Variants in MAPK10 observed in about 807,000 individuals in gnomAD.
The protein encoded by MAPK10 is mitogen-activated protein kinase 10.
MAPK10 carries 25 observed loss-of-function variants against 59.3 expected under a neutral mutation model. That is an observed-to-expected ratio of 0.42 (90% CI 0.31 to 0.59). The LOEUF (loss-of-function observed/expected upper bound fraction) is 0.59. Among genes scored for constraint, MAPK10 ranks in the 20% least tolerant of loss-of-function variants. The pLI, the probability that MAPK10 is intolerant of heterozygous loss-of-function variation, is 0.15. For synonymous variants in MAPK10, 190 were observed against 200.5 expected (o/e 0.95, Z 0.44); for missense variants, 351 against 568.9 (o/e 0.62, Z 3.90).
intron 1 of MAPK10, among the ~76,000 whole-genome samples, chr4:86,581,938 T>C (rs1388822448): frequency 5.3e-4 from 50 of 93,850 alleles, no homozygotes; most frequent in Admixed American, 1.6e-3. Flanking sequence ...TATATATATA[T>C]ATATATATAT....
Position 86,037,193 on chromosome 4 carries a change from C to T in MAPK10, c.1111-5762G>A, listed in dbSNP as rs200787570. Among the ~76,000 whole-genome samples the T allele has an allele frequency of 8.5e-5, 13 of 152,220 alleles. No individual in the cohort carries two copies. In the East Asian group the frequency reaches 2.5e-3, roughly 29 times the overall value. On this transcript the variant is annotated intron_variant, in intron 11 of 13. Coordinates refer to ENST00000641462, the MANE Select transcript of MAPK10 (RefSeq NM_138982.4). ...TGTTGGCCATGACTTTCTACTAAAG[C>T]GATCTCTTTAACAAGTACCTGTTCA...
At chr4:86,311,714 C>A (rs1214198742) in intron 2 of MAPK10, among the ~76,000 whole-genome samples, 4 of 152,056 alleles carry the variant, frequency 2.6e-5, no homozygotes, top group Non-Finnish European at 2.9e-5. Context: ...ACATGCCTCT[C>A]TAAAAAGAGA....
chr4:86,186,943 G>A (rs11944466), intron 3 of MAPK10, among the ~76,000 whole-genome samples: 12,893 of 152,010 alleles, frequency 0.085, 1,215 homozygotes, highest in African/African-American at 0.23. Context: ...TTCCCTTCTA[G>A]GTTAAGTATA....
In MAPK10 at chr4:86,249,454, G is replaced by A. The variant is rs1215244406; in HGVS notation, c.-6-55047C>T. Among the ~76,000 whole-genome samples the A allele has an allele frequency of 5.9e-5, 9 of 152,160 alleles. No individual in the cohort carries two copies. In the East Asian group the frequency reaches 1.5e-3, roughly 26 times the overall value. On this transcript the variant is annotated intron_variant, in intron 2 of 13. Coordinates refer to ENST00000641462, the MANE Select transcript of MAPK10 (RefSeq NM_138982.4). Reference sequence around the variant, plus strand: ...CAAATTGTCCCTGTTAATTTGGAAAGAGACATTTTCTCAGATGCTATGCCA... The same window carrying A: ...CAAATTGTCCCTGTTAATTTGGAAAAAGACATTTTCTCAGATGCTATGCCA...
Position 86,195,182 on chromosome 4 carries a change from A to C in MAPK10, c.-6-775T>G, listed in dbSNP as rs147357563. Reference sequence around the variant, plus strand: ...CAAATTAGGTACTAAGTTATTTGAGAATGACACAGCAACATCAGAGAAACC... The same window carrying C: ...CAAATTAGGTACTAAGTTATTTGAGCATGACACAGCAACATCAGAGAAACC... On this transcript the variant is annotated intron_variant, in intron 2 of 13. Coordinates refer to ENST00000641462, the MANE Select transcript of MAPK10 (RefSeq NM_138982.4). 7.6e-3 allele frequency among the ~76,000 whole-genome samples: 1,155 copies of C among 152,324 alleles called. 20 individuals are homozygous for C. The highest frequency in any genetic ancestry group is 0.026 in the African/African-American group (1,061 of 41,576).
intron 4 of MAPK10, among the ~76,000 whole-genome samples, chr4:86,133,633 A>T (rs554523748): frequency 3.3e-5 from 5 of 152,228 alleles, no homozygotes; most frequent in Non-Finnish European, 7.3e-5. Context: ...TTGAACTCTA[A>T]AAAACTCTTT....
At chr4:86,346,050 T>C (rs1578637344) in intron 2 of MAPK10, among the ~76,000 whole-genome samples, 1 of 152,280 alleles carries the variant, frequency 6.6e-6, no homozygotes, top group East Asian at 1.9e-4. Context: ...ACAGAATGTG[T>C]TTTGGTTCCT....
Position 86,031,115 on chromosome 4 carries a change from A to G in MAPK10, c.1174+253T>C, listed in dbSNP as rs142269307. Among the ~76,000 whole-genome samples the G allele has an allele frequency of 7.8e-3, 1,187 of 152,286 alleles. 12 individuals are homozygous for G. The highest frequency in any genetic ancestry group is 0.031 in the Middle Eastern group (9 of 294). ...ACACTGACAATCAGTACCATTTTAA[A>G]AGGTATCGACAAACACTGACAATCA... On this transcript the variant is annotated intron_variant, in intron 12 of 13. Transcript: ENST00000641462.
chr4:86,092,038 G>C (rs558817245), intron 9 of MAPK10, among the ~76,000 whole-genome samples: 1 of 151,996 alleles, frequency 6.6e-6, no homozygotes, highest in Non-Finnish European at 1.5e-5. Context: ...TGGTGTGGGG[G>C]ATCTGGGAGA....
rs141902589 is a variant in MAPK10, at chr4:86,424,641, T to C, written c.-122+28389A>G. Among the ~76,000 whole-genome samples the C allele has an allele frequency of 6.0e-3, 919 of 152,210 alleles. 7 individuals are homozygous for C. The highest frequency in any genetic ancestry group is 0.02 in the African/African-American group (821 of 41,532). Reference sequence around the variant, plus strand: ...CCCTGGGAATCTCCCTCTTGAATCATGCATGGTCTCCTTCACAAGCCCACC... The same window carrying C: ...CCCTGGGAATCTCCCTCTTGAATCACGCATGGTCTCCTTCACAAGCCCACC... On this transcript the variant is annotated intron_variant, in intron 1 of 13. Transcript: ENST00000361569.
chr4:86,019,909 T>A (rs148333803), intron 13 of MAPK10, among the ~76,000 whole-genome samples: 1 of 152,242 alleles, frequency 6.6e-6, no homozygotes, highest in East Asian at 1.9e-4. Context: ...AGGTATAGAA[T>A]GATGCTCATA....
intron 1 of MAPK10, among the ~76,000 whole-genome samples, chr4:86,422,255 A>G (rs1746629976): frequency 6.6e-6 from 1 of 152,190 alleles, no homozygotes; most frequent in African/African-American, 2.4e-5. Context: ...TCTACAATAT[A>G]CAGGCGTTTT....
chr4:86,375,156 G>T (rs1739582081), intron 1 of MAPK10, among the ~76,000 whole-genome samples: 1 of 152,098 alleles, frequency 6.6e-6, no homozygotes, highest in South Asian at 2.1e-4. Flanking sequence ...TTCTATCTGG[G>T]GTGATCAGAG....
intron 11 of MAPK10, among the ~76,000 whole-genome samples, chr4:86,039,465 A>G (rs1164533321): frequency 6.6e-6 from 1 of 152,128 alleles, no homozygotes; most frequent in African/African-American, 2.4e-5. Context: ...ACAGCCCTAG[A>G]CACCAGGCTA....
intron 2 of MAPK10, among the ~76,000 whole-genome samples, chr4:86,333,456 C>A (rs1340931864): frequency 6.6e-6 from 1 of 152,186 alleles, no homozygotes; most frequent in East Asian, 1.9e-4. Context: ...TCCCAGGAGG[C>A]CCTCAGCCTA....
At chr4:86,084,975 G>T (rs928351030) in intron 9 of MAPK10, among the ~76,000 whole-genome samples, 5 of 152,000 alleles carry the variant, frequency 3.3e-5, no homozygotes, top group African/African-American at 7.2e-5. Flanking sequence ...TTCAACAAAG[G>T]TGCCAAGAAC....
At chr4:86,073,466 G>T (rs2048488971) in intron 9 of MAPK10, among the ~76,000 whole-genome samples, 1 of 142,528 alleles carries the variant, frequency 7.0e-6, no homozygotes, top group Non-Finnish European at 1.6e-5. Context: ...TGCTTTTCTA[G>T]TTCTTTTAAT....
intron 1 of MAPK10, among the ~76,000 whole-genome samples, chr4:86,380,859 T>TAAAAAA (rs35581530): frequency 2.9e-5 from 4 of 137,110 alleles, no homozygotes; most frequent in Admixed American, 7.3e-5. Context: ...TGGAAAGCAT[T>TAAAAAA]AAAAAAAAAA....
chr4:86,542,349 T>C (rs966289116), intron 1 of MAPK10: 1 of 152,064 alleles, frequency 6.6e-6, no homozygotes, highest in African/African-American at 2.4e-5. Context: ...CACTGACAAG[T>C]TGTGTGATGT....
Sources: allele counts gnomAD v4.1 joint callset (sites outside exome capture counted in the v4.1 genomes callset), GRCh38; gene constraint gnomAD v4.1.1; transcripts MANE v1.5; gene names NCBI Gene and HGNC (gene_info 2026-07-23, HGNC 2026-07-21).